HTRA4: variants seen among roughly 807,000 people sequenced by gnomAD.
The protein encoded by HTRA4 is serine protease HTRA4.
Under a neutral mutation model 49.1 loss-of-function variants are expected in HTRA4, and 46 were observed. The ratio of observed to expected loss-of-function variants is 0.94; its 90% CI spans 0.74 to 1.20. The LOEUF (loss-of-function observed/expected upper bound fraction) is 1.20, where lower values mean the gene tolerates loss of function less well. HTRA4 is among the 50% of genes most tolerant of loss of function. The pLI is 0.00. For synonymous variants in HTRA4, 261 were observed against 264.0 expected (o/e 0.99, Z 0.11); for missense variants, 602 against 636.9 (o/e 0.95, Z 0.59).
intron 8 of HTRA4, among the ~76,000 whole-genome samples, chr8:38,984,700 G>C (rs1835464282): frequency 6.6e-6 from 1 of 152,042 alleles, no homozygotes. Context: ...AGTGAGCTGG[G>C]ATCACGCCCC....
chr8:38,974,939 T>C, intron 1 of HTRA4, 92 bp from the exon 2 acceptor site: 1 of 1,487,010 alleles, frequency 6.7e-7, no homozygotes, highest in Non-Finnish European at 9.3e-7. Flanking sequence ...CCATGCACCT[T>C]TTGAACACTG....
At position 38,976,574 on chromosome 8, in the gene HTRA4, C is replaced by T. The variant is rs1347059759; in HGVS notation, c.606C>T (p.Gly202=). Reference sequence around the variant, plus strand: ...GCAGGCTTGTTCCTGTGTACAGTGGCTCTGGGTTCATAGTGTCTGAGGACG... The same window carrying T: ...GCAGGCTTGTTCCTGTGTACAGTGGTTCTGGGTTCATAGTGTCTGAGGACG... The part of the protein sequence containing the change: ...HGSRLVPVYS[G]SGFIVSEDGL... The change falls in exon 3 of 9, where the codon GGC becomes GGT. Residue 202 remains glycine (G), a synonymous_variant. Transcript: ENST00000302495. 3 of 1,614,118 alleles carry T rather than the reference C, an allele frequency of 1.9e-6. No homozygotes were observed. Among genetic ancestry groups the T allele is most frequent in the Non-Finnish European group, 2.5e-6 (3 of 1,180,036 alleles).
intron 2 of HTRA4, 114 bp from the exon 3 acceptor site, chr8:38,976,418 AAAG>A: frequency 1.0e-6 from 1 of 985,888 alleles, no homozygotes; most frequent in Non-Finnish European, 1.5e-6. Flanking sequence ...AAAGAAAAGA[AAAG>A]AAAACTATGA....
At chr8:38,983,263 G>A (rs973403505) in intron 8 of HTRA4, among the ~76,000 whole-genome samples, 1 of 152,218 alleles carries the variant, frequency 6.6e-6, no homozygotes, top group East Asian at 1.9e-4. Flanking sequence ...CAGGCCAGGT[G>A]CAGTGGCTCA....
intron 8 of HTRA4, among the ~76,000 whole-genome samples, chr8:38,985,076 G>A (rs1835468259): frequency 6.6e-6 from 1 of 151,944 alleles, no homozygotes; most frequent in Admixed American, 6.6e-5. Context: ...TGATTTCACT[G>A]TTGTTTCAAA....
chr8:38,977,898 C>G, intron 3 of HTRA4, 55 bp from the exon 4 acceptor site: 1 of 1,568,568 alleles, frequency 6.4e-7, no homozygotes, highest in Non-Finnish European at 8.7e-7. Flanking sequence ...CAATTCTGAT[C>G]GTGATTTGTT....
chr8:38,982,619 T>C (rs929451966), intron 7 of HTRA4, 64 bp downstream of exon 7: 15 of 1,508,410 alleles, frequency 9.9e-6, no homozygotes, highest in Non-Finnish European at 1.4e-5. Context: ...CTGCACAGTC[T>C]TAACAGAAAA....
intron 5 of HTRA4, among the ~76,000 whole-genome samples, chr8:38,981,082 T>TGTTTTG (rs1564179085): frequency 3.9e-5 from 5 of 128,034 alleles, no homozygotes; most frequent in Admixed American, 7.9e-5. Flanking sequence ...TTTTTTTTTT[T>TGTTTTG]TTTTTTTTTT....
chr8:38,974,964 T>C (rs549793904), intron 1 of HTRA4, 67 bp from the exon 2 acceptor site: 1 of 1,573,860 alleles, frequency 6.4e-7, no homozygotes, highest in South Asian at 1.1e-5. Context: ...GCCTTTAACA[T>C]TTTTCCAACT....
intron 8 of HTRA4, among the ~76,000 whole-genome samples, chr8:38,983,881 A>C (rs1835454000): frequency 6.6e-6 from 1 of 152,152 alleles, no homozygotes; most frequent in Non-Finnish European, 1.5e-5. Context: ...TTAATAGCAT[A>C]AGTTTAAATT....
intron 6 of HTRA4, among the ~76,000 whole-genome samples, chr8:38,982,059 G>A (rs549036255): frequency 2.0e-5 from 3 of 152,146 alleles, no homozygotes; most frequent in African/African-American, 7.2e-5. Context: ...TGTTGGCCAG[G>A]CTGGTCTTGA....
intron 7 of HTRA4, 105 bp downstream of exon 7, chr8:38,982,660 C>G: frequency 9.6e-7 from 1 of 1,041,018 alleles, no homozygotes; most frequent in Non-Finnish European, 1.5e-6. Context: ...GCCAGGTACT[C>G]TTGTGACCAT....
In HTRA4 at chr8:38,977,941, G is replaced by C; in HGVS notation, c.772-12G>C. 6.2e-7 allele frequency: 1 copy of C among 1,611,178 alleles called. No individual in the cohort carries two copies. The highest frequency in any genetic ancestry group is 8.5e-7 in the Non-Finnish European group (1 of 1,179,132). ...CTTTCTGTCCTCCCCATCCCTTTTTGGGCACGTGCAGGCTGAACTTCCTGT... is the reference window on the plus strand; with the variant it reads ...CTTTCTGTCCTCCCCATCCCTTTTTCGGCACGTGCAGGCTGAACTTCCTGT... On this transcript the variant is annotated splice_polypyrimidine_tract_variant and intron_variant, in intron 3 of 8. Transcript: ENST00000302495.
intron 5 of HTRA4, 125 bp downstream of exon 5, chr8:38,979,372 C>T (rs1588292212): frequency 4.5e-6 from 4 of 889,996 alleles, no homozygotes; most frequent in Non-Finnish European, 7.6e-6. Context: ...TGCTTGGGGC[C>T]AGGAGTTTGA....
chr8:38,978,988 C>A (rs1330424804), intron 4 of HTRA4, among the ~76,000 whole-genome samples: 2 of 86,710 alleles, frequency 2.3e-5, no homozygotes, highest in East Asian at 4.1e-4. Flanking sequence ...AGTAAGACTC[C>A]GTCTCAAAAA....
chr8:38,974,929 C>A, intron 1 of HTRA4, 102 bp from the exon 2 acceptor site: 1 of 1,407,766 alleles, frequency 7.1e-7, no homozygotes, highest in Non-Finnish European at 9.9e-7. Flanking sequence ...TTCTCCCTCC[C>A]CATGCACCTT....
chr8:38,988,628 C>T lies in HTRA4; in HGVS notation c.*530C>T, dbSNP rs1835517901. The stretch of plus-strand genomic sequence containing the variant: ...AAACCTGCACATCCTGCATATGTAC[C>T]TCAGAACTTAAAAATAAAAATAAAA... On this transcript the variant is annotated 3_prime_UTR_variant, in exon 9 of 9. Coordinates refer to ENST00000302495, the MANE Select transcript of HTRA4 (RefSeq NM_153692.4). 1 of 151,576 alleles carries T rather than the reference C, an allele frequency of 6.6e-6. No homozygotes were observed. The highest frequency in any genetic ancestry group is 2.4e-5 in the African/African-American group (1 of 41,038). 9.4% of individuals were successfully genotyped at this position (151,576 alleles called of 1,614,324 possible).
At chr8:38,982,374 G>C in intron 6 of HTRA4, 124 bp from the exon 7 acceptor site, 1 of 772,828 alleles carries the variant, frequency 1.3e-6, no homozygotes, top group Non-Finnish European at 2.2e-6. Context: ...TGAAGCCTGT[G>C]TTTCATCCAG....
chr8:38,981,973 G>T (rs111979509), intron 6 of HTRA4, among the ~76,000 whole-genome samples: 3,664 of 152,020 alleles, frequency 0.024, 172 homozygotes, highest in African/African-American at 0.084. Context: ...TCAGCCTTCC[G>T]AGTAGCTGGG....
Sources: allele counts gnomAD v4.1 joint callset (sites outside exome capture counted in the v4.1 genomes callset), GRCh38; gene constraint gnomAD v4.1.1; transcripts MANE v1.5; gene names NCBI Gene and HGNC (gene_info 2026-07-23, HGNC 2026-07-21).